The following USP49 variants were observed in gnomAD, a reference collection of about 807,000 sequenced individuals.
USP49 encodes ubiquitin specific peptidase 49.
In USP49, 24 loss-of-function variants were observed where a neutral mutation model predicts 58.6. The observed-to-expected ratio is 0.41, with a 90% confidence interval of 0.30 to 0.58. USP49 has a LOEUF of 0.58. Ranked by LOEUF, USP49 falls within the 20% of genes least tolerant of loss-of-function variation. USP49 has a pLI of 0.30. For missense variants in USP49, 703 were observed against 866.1 expected (o/e 0.81, Z 2.36); for synonymous variants, 408 against 365.1 (o/e 1.12, Z -1.34).
chr6:41,811,696 T>C (rs1416879148), intron 3 of USP49, among the ~76,000 whole-genome samples: 5 of 152,206 alleles, frequency 3.3e-5, no homozygotes, highest in African/African-American at 9.7e-5. Flanking sequence ...TGGAATAGTA[T>C]TGAAATAACC....
intron 3 of USP49, among the ~76,000 whole-genome samples, chr6:41,822,198 G>A (rs1383771798): frequency 3.3e-5 from 5 of 152,206 alleles, no homozygotes; most frequent in Non-Finnish European, 7.3e-5. Flanking sequence ...TTTCCCAGCT[G>A]CAGCTCAAGC....
chr6:41,809,831 A>C (rs989808434), intron 3 of USP49, among the ~76,000 whole-genome samples: 7 of 150,252 alleles, frequency 4.7e-5, no homozygotes, highest in Admixed American at 2.0e-4. Flanking sequence ...CGTCTCAAAA[A>C]ATAAATAGAT....
chr6:41,893,779 AAG>A (rs531484137), intron 1 of USP49, among the ~76,000 whole-genome samples: 2 of 152,216 alleles, frequency 1.3e-5, no homozygotes, highest in Non-Finnish European at 2.9e-5. Flanking sequence ...TCTTGAGAGA[AAG>A]AGGTTTCTGG....
chr6:41,800,397 A>G (rs1344249629), intron 5 of USP49, among the ~76,000 whole-genome samples: 1 of 152,164 alleles, frequency 6.6e-6, no homozygotes, highest in Non-Finnish European at 1.5e-5. Flanking sequence ...GAACAATAAA[A>G]TCTCTCATTT....
intron 3 of USP49, among the ~76,000 whole-genome samples, chr6:41,813,553 C>A (rs1447653320): frequency 1.3e-5 from 2 of 152,110 alleles, no homozygotes; most frequent in African/African-American, 4.8e-5. Flanking sequence ...ATGAAAAGGG[C>A]ACTTTGGAAA....
chr6:41,816,702 C>CTATTATTATTATTATTATTATTAT (rs10631115), intron 3 of USP49, among the ~76,000 whole-genome samples: 11 of 149,636 alleles, frequency 7.4e-5, no homozygotes, highest in African/African-American at 2.5e-4. Context: ...GTTCCACACT[C>CTATTATTATTATTATTATTATTAT]TATTATTATT....
intron 3 of USP49, among the ~76,000 whole-genome samples, chr6:41,820,119 T>C (rs1773428291): frequency 6.6e-6 from 1 of 151,926 alleles, no homozygotes; most frequent in East Asian, 1.9e-4. Flanking sequence ...CATAAAAAGA[T>C]ATTTTTGAGA....
chr6:41,841,049 T>C (rs1350674149), intron 3 of USP49, among the ~76,000 whole-genome samples: 1 of 151,996 alleles, frequency 6.6e-6, no homozygotes, highest in African/African-American at 2.4e-5. Context: ...AAAACCTTTT[T>C]ACTATCTGGC....
chr6:41,844,856 G>A (rs934929663), intron 3 of USP49, among the ~76,000 whole-genome samples: 6 of 151,936 alleles, frequency 3.9e-5, no homozygotes, highest in South Asian at 2.1e-4. Context: ...CTATTTTATT[G>A]CGTAAAGTAG....
chr6:41,850,185 G>A (rs1343175787), intron 3 of USP49, among the ~76,000 whole-genome samples: 7 of 152,092 alleles, frequency 4.6e-5, no homozygotes, highest in Middle Eastern at 3.4e-3. Context: ...GCTCATGCCC[G>A]TAATCTCAGC....
At chr6:41,829,446 T>A (rs1173888340) in intron 3 of USP49, among the ~76,000 whole-genome samples, 1 of 152,138 alleles carries the variant, frequency 6.6e-6, no homozygotes, top group Non-Finnish European at 1.5e-5. Flanking sequence ...CCCAAGTAGC[T>A]GGGATTACAG....
At chr6:41,880,788 AG>A (rs1190159079) in intron 2 of USP49, among the ~76,000 whole-genome samples, 8 of 152,168 alleles carry the variant, frequency 5.3e-5, no homozygotes, top group Non-Finnish European at 1.2e-4. Flanking sequence ...ACAATAAAGG[AG>A]AAAGATATCA....
At chr6:41,892,595 A>C (rs968092231) in intron 1 of USP49, among the ~76,000 whole-genome samples, 1 of 152,252 alleles carries the variant, frequency 6.6e-6, no homozygotes, top group African/African-American at 2.4e-5. Flanking sequence ...ACAGTAGCTG[A>C]ATGCAGAAAG....
chr6:41,794,717 A>G lies in USP49; in HGVS notation c.*1816T>C, dbSNP rs1305860081. On this transcript the variant is annotated 3_prime_UTR_variant, in exon 8 of 8. Transcript: ENST00000682992. The stretch of plus-strand genomic sequence containing the variant: ...GGGTGAGCCCAGGCAAAGCTTATAC[A>G]AAGAAGCCTGCAGTAGACAATATAA... 2 of 152,260 alleles carry G rather than the reference A, an allele frequency of 1.3e-5. No individual in the cohort carries two copies. Among genetic ancestry groups the G allele is most frequent in the East Asian group, 3.8e-4 (2 of 5,204 alleles). The allele number at this position is 152,260 out of a possible 1,614,324, so 9.4% of individuals were successfully genotyped here. A position where few individuals can be genotyped will look rare whatever the true frequency, so the allele number is the denominator to read the frequency against.
intron 3 of USP49, among the ~76,000 whole-genome samples, chr6:41,832,121 T>C (rs1773645526): frequency 6.6e-6 from 1 of 152,190 alleles, no homozygotes. Flanking sequence ...TACTGTTTTT[T>C]TTTTACCATT....
chr6:41,855,769 C>T (rs1484815957), intron 3 of USP49, among the ~76,000 whole-genome samples: 1 of 152,104 alleles, frequency 6.6e-6, no homozygotes, highest in Non-Finnish European at 1.5e-5. Context: ...AATATTAGGC[C>T]AGGCACTGTG....
chr6:41,849,273 T>C (rs1773978438), intron 3 of USP49, among the ~76,000 whole-genome samples: 1 of 152,112 alleles, frequency 6.6e-6, no homozygotes, highest in South Asian at 2.1e-4. Flanking sequence ...ATATTTATGC[T>C]CCAAACATCA....
At chr6:41,856,094 C>T (rs1300829440) in intron 3 of USP49, among the ~76,000 whole-genome samples, 1 of 151,250 alleles carries the variant, frequency 6.6e-6, no homozygotes, top group Non-Finnish European at 1.5e-5. Context: ...AATATTAAGG[C>T]CGGGCGCTGT....
At chr6:41,825,556 G>A (rs1773524288) in intron 3 of USP49, among the ~76,000 whole-genome samples, 1 of 152,080 alleles carries the variant, frequency 6.6e-6, no homozygotes, top group South Asian at 2.1e-4. Context: ...ACATACCCAT[G>A]AAATTATTAT....
Sources: allele counts gnomAD v4.1 joint callset (sites outside exome capture counted in the v4.1 genomes callset), GRCh38; gene constraint gnomAD v4.1.1; transcripts MANE v1.5; gene names NCBI Gene and HGNC (gene_info 2026-07-23, HGNC 2026-07-21).